The following PUDP variants were observed in gnomAD, a reference collection of about 807,000 sequenced individuals.
The protein encoded by PUDP is pseudouridine 5'-phosphatase.
A neutral mutation model predicts 9.4 loss-of-function variants in PUDP; 8 were observed. The ratio of observed to expected loss-of-function variants is 0.85; its 90% CI spans 0.50 to 1.53. The LOEUF is 1.53. Ranked by LOEUF, PUDP falls within the 40% of genes most tolerant of loss-of-function variation. PUDP has a pLI of 0.00. For missense variants in PUDP, 188 were observed against 189.7 expected (o/e 0.99, Z 0.05); for synonymous variants, 99 against 80.7 (o/e 1.23, Z -1.22).
At chrX:6,934,137 C>A (rs1180443457) in intron 3 of PUDP, among the ~76,000 whole-genome samples, 3 of 105,149 alleles carry the variant, frequency 2.9e-5, no homozygotes, top group African/African-American at 1.0e-4. Flanking sequence ...GAGAACGCCA[C>A]AAAGATACTC....
intron 3 of PUDP, among the ~76,000 whole-genome samples, chrX:6,907,899 C>T (rs1927791882): frequency 8.9e-6 from 1 of 112,138 alleles, no homozygotes; most frequent in African/African-American, 3.2e-5. Flanking sequence ...CATGAGCTGC[C>T]AATATCTCAC....
chrX:6,990,419 G>T (rs1348486786), intron 1 of PUDP, among the ~76,000 whole-genome samples: 1 of 111,908 alleles, frequency 8.9e-6, no homozygotes, highest in African/African-American at 3.2e-5. Flanking sequence ...GATTCCCAGG[G>T]TAGCCTCTAA....
chrX:6,978,611 AAC>A (rs767112254), intron 1 of PUDP, among the ~76,000 whole-genome samples: 9 of 112,304 alleles, frequency 8.0e-5, no homozygotes, highest in African/African-American at 2.9e-4. Context: ...AAAAATGAAC[AAC>A]AGTCATCTCA....
chrX:6,897,734 C>T (rs941114614), intron 3 of PUDP, among the ~76,000 whole-genome samples: 5 of 111,425 alleles, frequency 4.5e-5, no homozygotes, highest in Non-Finnish European at 7.5e-5. Flanking sequence ...TGAGTCCCCA[C>T]TTTCTGATTC....
rs142915811 is a variant in PUDP at position 6,749,949 on chromosome X, G to A, written c.*248-43483C>T. ...AAGGCATGAGATTCGATTATGAAAT[G>A]ACTATTGACTAACAGCACTGGAGGA... is the stretch of plus-strand genomic sequence containing the variant. On this transcript the variant is annotated intron_variant and NMD_transcript_variant, in intron 3 of 3. Transcript: ENST00000655425. Among the ~76,000 whole-genome samples the A allele has an allele frequency of 6.1e-3, 683 of 112,202 alleles. 2 individuals carry two copies. Among genetic ancestry groups the A allele is most frequent in the Non-Finnish European group, 9.4e-3 (501 of 53,261 alleles).
intron 3 of PUDP, among the ~76,000 whole-genome samples, chrX:6,952,825 C>CT (rs1205479304): frequency 8.9e-6 from 1 of 111,923 alleles, no homozygotes; most frequent in African/African-American, 3.2e-5. Flanking sequence ...GACACAGACT[C>CT]TGTCATGTCT....
At chrX:7,069,883 T>TAGTTTTCCTAAA (rs777489024) in intron 3 of PUDP, among the ~76,000 whole-genome samples, 1 of 112,075 alleles carries the variant, frequency 8.9e-6, no homozygotes, top group Non-Finnish European at 1.9e-5. Flanking sequence ...ACGGCCCACT[T>TAGTTTTCCTAAA]AGTTTTCCTA....
intron 3 of PUDP, among the ~76,000 whole-genome samples, chrX:6,849,683 A>T (rs1002126510): frequency 1.6e-4 from 18 of 112,199 alleles, no homozygotes; most frequent in African/African-American, 5.5e-4. Context: ...ATTTTCTTAG[A>T]TTCCAGGCAC....
chrX:7,104,948 T>C (rs1931837243), intron 2 of PUDP, among the ~76,000 whole-genome samples: 1 of 112,165 alleles, frequency 8.9e-6, no homozygotes, highest in Non-Finnish European at 1.9e-5. Context: ...AGACAGAGTA[T>C]TCATCCTGTA....
intron 3 of PUDP, among the ~76,000 whole-genome samples, chrX:6,893,607 C>T (rs1195088703): frequency 9.0e-6 from 1 of 111,555 alleles, no homozygotes; most frequent in African/African-American, 3.3e-5. Flanking sequence ...TTTATGCATG[C>T]TATGAAGATG....
chrX:7,145,076 G>T (rs1932834338), intron 1 of PUDP, among the ~76,000 whole-genome samples: 1 of 111,682 alleles, frequency 9.0e-6, no homozygotes, highest in Non-Finnish European at 1.9e-5. Context: ...CAGAGTGCCT[G>T]AAATGAGGCT....
intron 3 of PUDP, among the ~76,000 whole-genome samples, chrX:6,921,867 C>G (rs1928028611): frequency 9.0e-6 from 1 of 111,356 alleles, no homozygotes; most frequent in Non-Finnish European, 1.9e-5. Flanking sequence ...GACCTATGCC[C>G]TCAATTCTCT....
intron 1 of PUDP, among the ~76,000 whole-genome samples, chrX:6,714,172 G>A (rs948350762): frequency 8.9e-6 from 1 of 111,858 alleles, no homozygotes; most frequent in Admixed American, 9.6e-5. Flanking sequence ...GATTACAGGT[G>A]TGAGCCATCA....
chrX:6,916,411 G>T (rs867054810), intron 3 of PUDP, among the ~76,000 whole-genome samples: 1 of 95,007 alleles, frequency 1.1e-5, no homozygotes, highest in Non-Finnish European at 2.1e-5. Flanking sequence ...TGCATCCCCA[G>T]TTTTTTTTTT....
chrX:6,766,629 T>A (rs1925289032), intron 3 of PUDP, among the ~76,000 whole-genome samples: 1 of 111,748 alleles, frequency 8.9e-6, no homozygotes, highest in Non-Finnish European at 1.9e-5. Flanking sequence ...TAGTACCATT[T>A]TATAAAATTT....
At chrX:6,731,477 C>G (rs1924807179) in intron 3 of PUDP, among the ~76,000 whole-genome samples, 1 of 111,505 alleles carries the variant, frequency 9.0e-6, no homozygotes, top group Non-Finnish European at 1.9e-5. Context: ...CCCATTGTCA[C>G]TCATCCCATT....
chrX:7,051,629 G>A lies in PUDP; in HGVS notation c.511-1157C>T, dbSNP rs751519157. Among the ~76,000 whole-genome samples, 19 of 112,255 alleles carry A rather than the reference G, an allele frequency of 1.7e-4. 2 individuals carry two copies. In the South Asian group the frequency reaches 6.7e-3, roughly 40 times the overall value. On this transcript the variant is annotated intron_variant, in intron 3 of 3. Transcript: ENST00000381077. ...CTGCATTTATCAGTGAGCTCCTAAA[G>A]GTGCCACCACATTGACAATGTTACA...
intron 3 of PUDP, chrX:7,057,856 T>C (rs2040483998): frequency 6.9e-6 from 7 of 1,011,266 alleles, no homozygotes; most frequent in South Asian, 2.1e-5. Flanking sequence ...GGGAACACAG[T>C]AGGAGGCAGT....
intron 3 of PUDP, among the ~76,000 whole-genome samples, chrX:6,728,855 C>T (rs889644268): frequency 9.9e-5 from 11 of 111,406 alleles, no homozygotes; most frequent in African/African-American, 2.9e-4. Flanking sequence ...CAGGATACCA[C>T]GCTGCAGTGA....
Sources: allele counts gnomAD v4.1 joint callset (sites outside exome capture counted in the v4.1 genomes callset), GRCh38; gene constraint gnomAD v4.1.1; transcripts MANE v1.5; gene names NCBI Gene and HGNC (gene_info 2026-07-23, HGNC 2026-07-21).